Variants in TSPAN5 observed in about 807,000 individuals in gnomAD.
TSPAN5 encodes tetraspanin 5.
Under a neutral mutation model 37.1 loss-of-function variants are expected in TSPAN5, and 10 were observed. The ratio of observed to expected loss-of-function variants is 0.27; its 90% CI spans 0.17 to 0.46. The LOEUF (loss-of-function observed/expected upper bound fraction) is 0.46, where lower values mean the gene tolerates loss of function less well. Ranked by LOEUF, TSPAN5 falls within the 20% of genes least tolerant of loss-of-function variation. The pLI is 1.00. For synonymous variants in TSPAN5, 110 were observed against 118.9 expected (o/e 0.93, Z 0.48); for missense variants, 195 against 326.6 (o/e 0.60, Z 3.11).
Position 98,472,333 on chromosome 4 carries a change from ATT to A in TSPAN5, c.*187_*188del. The A allele has an allele frequency of 4.9e-5, 20 of 406,382 alleles. No individual in the cohort carries two copies. Among genetic ancestry groups the A allele is most frequent in the South Asian group, 9.4e-5 (2 of 21,200 alleles). 25.2% of individuals were successfully genotyped at this position (406,382 alleles called of 1,614,324 possible). On this transcript the variant is annotated 3_prime_UTR_variant, in exon 8 of 8. Coordinates refer to ENST00000305798, the MANE Select transcript of TSPAN5 (RefSeq NM_005723.4). ...CGGCGCAACGACTTTCATACTGGTT[ATT>A]TTTTTTTTTAATTCTGTCAGTGAGC...
chr4:98,589,249 T>G (rs1293495600), intron 1 of TSPAN5, among the ~76,000 whole-genome samples: 1 of 152,232 alleles, frequency 6.6e-6, no homozygotes, highest in Admixed American at 6.5e-5. Context: ...TAGCAAGCAC[T>G]GGTCAGCAAA....
At position 98,498,809 on chromosome 4, in the gene TSPAN5, C is replaced by T. The variant is rs112607677; in HGVS notation, c.132+8869G>A. ...GGAAGGGGCTGTGGGCTGCCTCCTG[C>T]CCTTGCAACCTAGAGAGAGAAGGGC... On this transcript the variant is annotated intron_variant, in intron 2 of 7. Transcript: ENST00000305798. Among the ~76,000 whole-genome samples, 680 of 152,282 alleles carry T rather than the reference C, an allele frequency of 4.5e-3. 4 individuals are homozygous for T. Among genetic ancestry groups the T allele is most frequent in the Non-Finnish European group, 6.7e-3 (454 of 68,016 alleles).
intron 1 of TSPAN5, among the ~76,000 whole-genome samples, chr4:98,581,699 G>A (rs1271537796): frequency 6.6e-6 from 1 of 151,910 alleles, no homozygotes; most frequent in Non-Finnish European, 1.5e-5. Flanking sequence ...AAAAGAAAAG[G>A]GTAATTTCTT....
At chr4:98,474,403 G>C (rs895204260) in intron 7 of TSPAN5, among the ~76,000 whole-genome samples, 2 of 152,096 alleles carry the variant, frequency 1.3e-5, no homozygotes, top group Non-Finnish European at 2.9e-5. Flanking sequence ...ACCCAGGCTG[G>C]AGTGCAATGG....
chr4:98,505,619 A>T (rs1208995300), intron 2 of TSPAN5, among the ~76,000 whole-genome samples: 1 of 152,190 alleles, frequency 6.6e-6, no homozygotes, highest in Non-Finnish European at 1.5e-5. Flanking sequence ...AGAACTTACC[A>T]GTATCTGGAC....
chr4:98,607,650 T>C (rs1199573366), intron 1 of TSPAN5, among the ~76,000 whole-genome samples: 1 of 151,792 alleles, frequency 6.6e-6, no homozygotes, highest in Non-Finnish European at 1.5e-5. Flanking sequence ...ACATGCTTTT[T>C]GCCTGTATTT....
intron 1 of TSPAN5, among the ~76,000 whole-genome samples, chr4:98,567,981 A>T (rs1755045076): frequency 1.3e-5 from 2 of 152,124 alleles, no homozygotes; most frequent in South Asian, 4.1e-4. Flanking sequence ...TGACAACAGG[A>T]TCTACTTGAA....
At chr4:98,508,091 C>G (rs1433072704) in intron 1 of TSPAN5, among the ~76,000 whole-genome samples, 1 of 152,150 alleles carries the variant, frequency 6.6e-6, no homozygotes, top group Admixed American at 6.5e-5. Context: ...AATGGATAAG[C>G]AGAGGCATTA....
chr4:98,520,314 A>G (rs1357236990), intron 1 of TSPAN5, among the ~76,000 whole-genome samples: 1 of 152,248 alleles, frequency 6.6e-6, no homozygotes, highest in African/African-American at 2.4e-5. Context: ...AAATTAAAAC[A>G]TAGAGCAACA....
In TSPAN5 at chr4:98,641,425, C is replaced by T. The variant is rs149357342; in HGVS notation, c.81+16721G>A. Among the ~76,000 whole-genome samples, 33 of 152,254 alleles carry T rather than the reference C, an allele frequency of 2.2e-4. No individual in the cohort carries two copies. In the East Asian group the frequency reaches 6.2e-3, roughly 28 times the overall value. Reference sequence around the variant, plus strand: ...ATTTTATGTGCAAATTAATTGGAAACCTTTGTGTTTCTGCTAACTTAAAGG... The same window carrying T: ...ATTTTATGTGCAAATTAATTGGAAATCTTTGTGTTTCTGCTAACTTAAAGG... On this transcript the variant is annotated intron_variant, in intron 1 of 7. Transcript: ENST00000305798.
chr4:98,639,761 T>G (rs548710774), intron 1 of TSPAN5, among the ~76,000 whole-genome samples: 1 of 152,320 alleles, frequency 6.6e-6, no homozygotes, highest in African/African-American at 2.4e-5. Context: ...CATTAGAAAC[T>G]TATCTATGTT....
At chr4:98,545,824 A>T (rs1292236575) in intron 1 of TSPAN5, among the ~76,000 whole-genome samples, 2 of 152,182 alleles carry the variant, frequency 1.3e-5, no homozygotes, top group Admixed American at 6.5e-5. Flanking sequence ...GAGCCAGCAC[A>T]CCCAACCCAC....
intron 1 of TSPAN5, among the ~76,000 whole-genome samples, chr4:98,546,200 A>G (rs1158318704): frequency 2.6e-5 from 4 of 152,232 alleles, no homozygotes; most frequent in Non-Finnish European, 4.4e-5. Context: ...CCCAGGACCA[A>G]GCAAGCATAT....
chr4:98,527,296 T>G (rs571825113), intron 1 of TSPAN5, among the ~76,000 whole-genome samples: 64 of 152,334 alleles, frequency 4.2e-4, no homozygotes, highest in African/African-American at 1.5e-3. Flanking sequence ...ATCTTGCACC[T>G]TCAAAGAGTT....
intron 1 of TSPAN5, among the ~76,000 whole-genome samples, chr4:98,562,335 T>C (rs951845642): frequency 6.6e-6 from 1 of 151,874 alleles, no homozygotes; most frequent in Non-Finnish European, 1.5e-5. Context: ...AGATGAAAAC[T>C]GAAATAAGAC....
At chr4:98,538,082 A>T (rs563273380) in intron 1 of TSPAN5, among the ~76,000 whole-genome samples, 1 of 152,374 alleles carries the variant, frequency 6.6e-6, no homozygotes, top group South Asian at 2.1e-4. Flanking sequence ...TTTTCCCTGC[A>T]TCAGCAGCAA....
At chr4:98,559,385 T>C (rs370221477) in intron 1 of TSPAN5, among the ~76,000 whole-genome samples, 1 of 152,198 alleles carries the variant, frequency 6.6e-6, no homozygotes, top group African/African-American at 2.4e-5. Flanking sequence ...AGTTAGTATC[T>C]TTATTTATCT....
chr4:98,576,443 A>T (rs2110189229), intron 1 of TSPAN5, among the ~76,000 whole-genome samples: 2 of 152,332 alleles, frequency 1.3e-5, no homozygotes, highest in South Asian at 4.1e-4. Context: ...GATTTAAAAA[A>T]TGTCATGGGG....
intron 1 of TSPAN5, among the ~76,000 whole-genome samples, chr4:98,529,099 CCT>C (rs1467659621): frequency 6.6e-6 from 1 of 152,204 alleles, no homozygotes; most frequent in East Asian, 1.9e-4. Flanking sequence ...ACCGTAAATC[CCT>C]GTGTGGCACG....
Sources: allele counts gnomAD v4.1 joint callset (sites outside exome capture counted in the v4.1 genomes callset), GRCh38; gene constraint gnomAD v4.1.1; transcripts MANE v1.5; gene names NCBI Gene and HGNC (gene_info 2026-07-23, HGNC 2026-07-21).